CHRNA3: variants seen among roughly 807,000 people sequenced by gnomAD.
CHRNA3 encodes neuronal acetylcholine receptor subunit alpha-3.
In CHRNA3, 34 loss-of-function variants were observed where a neutral mutation model predicts 41.9. The observed-to-expected ratio is 0.81, with a 90% confidence interval of 0.62 to 1.08. CHRNA3 has a LOEUF of 1.08. Ranked by LOEUF, CHRNA3 falls within the 50% of genes least tolerant of loss-of-function variation. The pLI is 0.00. For synonymous variants in CHRNA3, 281 were observed against 265.2 expected (o/e 1.06, Z -0.58); for missense variants, 542 against 638.3 (o/e 0.85, Z 1.63).
rs1334226695 is a variant in CHRNA3 at position 78,602,239 on chromosome 15, C to G, written c.403G>C (p.Asp135His). The change falls in exon 5 of 6, where the codon GAC (aspartate) becomes CAC (histidine). Residue 135 changes from aspartate (D) to histidine (H), a missense_variant. By Grantham distance (81) the Asp-to-His change is moderately conservative. Coordinates refer to ENST00000326828, the MANE Select transcript of CHRNA3 (RefSeq NM_000743.5). Reference sequence around the variant, plus strand: ...TACTTGAGTAAGGCTTTGGTCTTGTCGTCCACCTGGAAATCCCCAACAGCA... The same window carrying G: ...TACTTGAGTAAGGCTTTGGTCTTGTGGTCCACCTGGAAATCCCCAACAGCA... ...NNAVGDFQVD[D>H]KTKALLKYTG... The G allele has an allele frequency of 2.5e-6, 4 of 1,613,678 alleles. No individual in the cohort carries two copies. Among genetic ancestry groups the G allele is most frequent in the African/African-American group, 1.3e-5 (1 of 74,874 alleles).
chr15:78,593,487 T>C (rs200339983), downstream of CHRNA3: 11 of 310,434 alleles, frequency 3.5e-5, no homozygotes, highest in East Asian at 6.4e-4. Context: ...TTATCTGAAC[T>C]GGACTAGTGA....
At chr15:78,616,505 T>A (rs933537402) in intron 4 of CHRNA3, among the ~76,000 whole-genome samples, 2 of 152,232 alleles carry the variant, frequency 1.3e-5, no homozygotes, top group South Asian at 2.1e-4. Context: ...GACCGTTTAC[T>A]CCATTCCTGT....
In CHRNA3 at chr15:78,601,676, G is replaced by A. The variant is rs749235680; in HGVS notation, c.966C>T (p.Thr322=). 1.3e-5 allele frequency: 21 copies of A among 1,614,024 alleles called. No individual in the cohort carries two copies. The highest frequency in any genetic ancestry group is 2.2e-5 in the South Asian group (2 of 91,078). The change falls in exon 5 of 6, where the codon ACC becomes ACT. Residue 322 remains threonine (T), a synonymous_variant. Coordinates refer to ENST00000326828, the MANE Select transcript of CHRNA3 (RefSeq NM_000743.5). The part of the protein sequence containing the change: ...MIFVTLSIVI[T]VFVLNVHYRT... ...TGTAGTGCACGTTGAGCACGAAGACGGTGATGACGATGGACAAGGTTACAA... is the reference window on the plus strand; with the variant it reads ...TGTAGTGCACGTTGAGCACGAAGACAGTGATGACGATGGACAAGGTTACAA...
rs779452482 is a variant in CHRNA3, at chr15:78,615,564, G to C, written c.377+1460C>G. ...AAGCAAGCTGGTCACACAGCCCCCA[G>C]GACAGCTTTGTGAAAACACCCATTC... On this transcript the variant is annotated intron_variant, in intron 4 of 5. Transcript: ENST00000326828. Among the ~76,000 whole-genome samples, 5 of 152,142 alleles carry C rather than the reference G, an allele frequency of 3.3e-5. 1 individual carries two copies. The South Asian group carries it at 8.3e-4, about 25-fold the overall frequency.
At chr15:78,595,297 G>A (rs1438774037), downstream of CHRNA3, 8 of 985,214 alleles carry the variant, frequency 8.1e-6, no homozygotes, top group Middle Eastern at 5.2e-4. Context: ...TGAAACATGA[G>A]TCACAGCGGG....
Position 78,618,650 on chromosome 15 carries a change from G to A in CHRNA3, c.234C>T (p.Asn78=), listed in dbSNP as rs2053501860. 2 of 1,614,028 alleles carry A rather than the reference G, an allele frequency of 1.2e-6. No homozygotes were observed. Among genetic ancestry groups the A allele is most frequent in the African/African-American group, 1.3e-5 (1 of 74,918 alleles). Reference sequence around the variant, plus strand: ...GCCACAGGTTGGTCTCCATGATCTGGTTTACTTCATCCTAGAAAGAGGAAT... The same window carrying A: ...GCCACAGGTTGGTCTCCATGATCTGATTTACTTCATCCTAGAAAGAGGAAT... ...MSQLVKVDEV[N]QIMETNLWLK... The change falls in exon 3 of 6, where the codon AAC becomes AAT. Residue 78 remains asparagine (N), a synonymous_variant. Coordinates refer to ENST00000326828, the MANE Select transcript of CHRNA3 (RefSeq NM_000743.5).
Position 78,601,718 on chromosome 15 carries a change from G to A in CHRNA3, c.924C>T (p.Leu308=). Residue 308 remains leucine, a synonymous_variant, in exon 5 of 6, where the codon CTC becomes CTT. Transcript: ENST00000326828. Reference sequence around the variant, plus strand: ...AGGTTACAAAAATCATGGTGAACAGGAGGTACTCTCCAATCAGGGGGATGA... The same window carrying A: ...AGGTTACAAAAATCATGGTGAACAGAAGGTACTCTCCAATCAGGGGGATGA... ...SLVIPLIGEY[L]LFTMIFVTLS... is the part of the protein sequence containing the mutation. The A allele has an allele frequency of 1.2e-6, 2 of 1,614,160 alleles. No individual in the cohort carries two copies. Among genetic ancestry groups the A allele is most frequent in the Non-Finnish European group, 1.7e-6 (2 of 1,180,024 alleles).
chr15:78,620,263 C>T (rs1248321828), intron 1 of CHRNA3: 1 of 165,552 alleles, frequency 6.0e-6, no homozygotes, highest in Non-Finnish European at 1.3e-5. Context: ...TCCCCTCTTC[C>T]CGAGGTGGCC....
chr15:78,596,660 T>C lies in CHRNA3; in HGVS notation c.1462A>G (p.Ile488Val), dbSNP rs1289200750. The change falls in exon 6 of 6, where the codon ATT becomes GTT. Residue 488 changes from isoleucine (I) to valine (V), a missense_variant. Transcript: ENST00000326828. ...AGAAACAATCCTGCTGTCCCTAGAA[T>C]GCACACCAGGGTGAAAACCCACAGA... ...IFLWVFTLVC[I>V]LGTAGLFLQP... 1.2e-6 allele frequency: 2 copies of C among 1,613,052 alleles called. No homozygotes were observed. Among genetic ancestry groups the C allele is most frequent in the East Asian group, 2.2e-5 (1 of 44,792 alleles).
Position 78,620,701 on chromosome 15 carries a change from C to T in CHRNA3, c.82+12G>A. 1 of 1,504,886 alleles carries T rather than the reference C, an allele frequency of 6.6e-7. No individual in the cohort carries two copies. Among genetic ancestry groups the T allele is most frequent in the Non-Finnish European group, 8.8e-7 (1 of 1,133,864 alleles). The allele number at this position is 1,504,886 out of a possible 1,614,324, so 93.2% of individuals were successfully genotyped here. On this transcript the variant is annotated intron_variant, in intron 1 of 5. Transcript: ENST00000326828. ...GCCCGTCCCTCCGGAGCCCTAACGC[C>T]TGTGCGCGTACCTGGCAGCAGAGAC... is the stretch of plus-strand genomic sequence containing the variant.
chr15:78,594,218 A>G (rs1438328660), downstream of CHRNA3: 1 of 152,220 alleles, frequency 6.6e-6, no homozygotes, highest in Non-Finnish European at 1.5e-5. Context: ...TACAGTAGAC[A>G]ACTCCTGTGG....
intron 4 of CHRNA3, among the ~76,000 whole-genome samples, chr15:78,609,953 A>G (rs1325975903): frequency 1.3e-5 from 2 of 152,194 alleles, no homozygotes; most frequent in Non-Finnish European, 2.9e-5. Flanking sequence ...AACACTTTAA[A>G]CCAACAAAGA....
intron 5 of CHRNA3, chr15:78,599,777 A>C (rs1436471693): frequency 2.7e-5 from 4 of 147,688 alleles, no homozygotes; most frequent in African/African-American, 1.0e-4. Flanking sequence ...GCACTTTGGG[A>C]GGCCAAGGCG....
At chr15:78,619,256 C>T (rs1053796676) in intron 1 of CHRNA3, 3 of 328,912 alleles carry the variant, frequency 9.1e-6, no homozygotes, top group African/African-American at 6.3e-5. Flanking sequence ...GTGTCTTTAC[C>T]AGTCAAAATA....
intron 4 of CHRNA3, among the ~76,000 whole-genome samples, 191 bp from the exon 5 acceptor site, chr15:78,602,455 C>T (rs2053221112): frequency 6.6e-6 from 1 of 152,220 alleles, no homozygotes; most frequent in Non-Finnish European, 1.5e-5. Flanking sequence ...CAAGCTCCCT[C>T]CCCAACAACA....
Position 78,618,887 on chromosome 15 carries a change from A to G in CHRNA3, c.111T>C (p.Arg37=). ...AATCTTCAAACAGCCGCTCAAATAG[A>G]CGGTGCTCAGCCTCTGAGGCCCTGG... ...PVARASEAEH[R]LFERLFEDYN... Residue 37 remains arginine, a synonymous_variant, in exon 2 of 6, where the codon CGT becomes CGC. Coordinates refer to ENST00000326828, the MANE Select transcript of CHRNA3 (RefSeq NM_000743.5). 1 of 1,613,776 alleles carries G rather than the reference A, an allele frequency of 6.2e-7. No homozygotes were observed. Among genetic ancestry groups the G allele is most frequent in the Non-Finnish European group, 8.5e-7 (1 of 1,179,958 alleles).
chr15:78,615,057 C>A (rs553778691), intron 4 of CHRNA3, among the ~76,000 whole-genome samples: 2 of 152,284 alleles, frequency 1.3e-5, no homozygotes, highest in South Asian at 4.1e-4. Flanking sequence ...TCGAGAGCAG[C>A]TTCTCTCGAT....
intron 5 of CHRNA3, 98 bp from the exon 6 acceptor site, chr15:78,596,830 C>G: frequency 6.9e-7 from 1 of 1,457,484 alleles, no homozygotes; most frequent in South Asian, 1.5e-5. Context: ...GCAGTAGAAG[C>G]CATTTTGTCT....
intron 5 of CHRNA3, chr15:78,599,994 G>T (rs8032695): frequency 8.0e-6 from 1 of 124,754 alleles, no homozygotes; most frequent in Non-Finnish European, 1.7e-5. Context: ...TCCATTCTGG[G>T]TGACAGAGCA....
Sources: gnomAD v4.1 joint callset for allele counts (sites outside exome capture counted in the v4.1 genomes callset) on GRCh38, gnomAD v4.1.1 for gene constraint, MANE v1.5 for transcripts, NCBI Gene and HGNC (gene_info 2026-07-23, HGNC 2026-07-21) for gene names.